ATP1B4: variants seen among roughly 807,000 people sequenced by gnomAD.
The protein encoded by ATP1B4 is protein ATP1B4.
In ATP1B4, 32 loss-of-function variants were observed where a neutral mutation model predicts 29.6. The ratio of observed to expected loss-of-function variants is 1.08; its 90% CI spans 0.82 to 1.45. ATP1B4 has a LOEUF of 1.45. ATP1B4 is among the 40% of genes most tolerant of loss of function. ATP1B4 has a pLI of 0.00. For synonymous variants in ATP1B4, 127 were observed against 102.1 expected, an observed-to-expected ratio of 1.24 and a Z score of -1.47; for missense variants, 323 against 276.2, an observed-to-expected ratio of 1.17 and a Z score of -1.20.
chrX:120,375,801 T>G (rs1474324221), intron 5 of ATP1B4, among the ~76,000 whole-genome samples: 1 of 109,307 alleles, frequency 9.1e-6, no homozygotes, highest in Admixed American at 9.8e-5. Flanking sequence ...CTTGATGGCC[T>G]TTGTCAAGAA....
At chrX:120,364,018 A>G (rs1322884381) in intron 1 of ATP1B4, among the ~76,000 whole-genome samples, 2 of 111,326 alleles carry the variant, frequency 1.8e-5, no homozygotes, top group African/African-American at 6.5e-5. Context: ...AGTAAAGCTC[A>G]GGAACCTCTC....
intron 4 of ATP1B4, among the ~76,000 whole-genome samples, chrX:120,373,355 C>A (rs1206311263): frequency 8.9e-6 from 1 of 112,324 alleles, no homozygotes; most frequent in Non-Finnish European, 1.9e-5. Flanking sequence ...AAAGGCATAG[C>A]CATATTTGGA....
At chrX:120,375,705 TAACCAGATA>T in intron 5 of ATP1B4, 137 bp downstream of exon 5, 1 of 487,874 alleles carries the variant, frequency 2.0e-6, no homozygotes, top group East Asian at 3.8e-5. Context: ...TAAATACAAA[TAACCAGATA>T]AACCTATCAA....
At position 120,375,774 on chromosome X, in the gene ATP1B4, C is replaced by T. The variant is rs756598299; in HGVS notation, c.759+206C>T. ...ACTTCCTATGGCCATTCTTCTCCCT[C>T]ACCCCCAAACCTGTCACTTGATGGC... is the stretch of plus-strand genomic sequence containing the variant. On this transcript the variant is annotated intron_variant, in intron 5 of 7. Coordinates refer to ENST00000218008, the MANE Select transcript of ATP1B4 (RefSeq NM_001142447.3). 9.2e-5 allele frequency among the ~76,000 whole-genome samples: 10 copies of T among 108,776 alleles called. No homozygotes were observed. In the South Asian group the frequency reaches 3.9e-3, roughly 42 times the overall value. The allele number at this position is 108,776 out of a possible 115,157, so 94.5% of individuals were successfully genotyped here. A position where few individuals can be genotyped will look rare whatever the true frequency, so the allele number is the denominator to read the frequency against.
chrX:120,368,357 G>T (rs1249978031), intron 2 of ATP1B4, among the ~76,000 whole-genome samples: 2 of 111,822 alleles, frequency 1.8e-5, no homozygotes, highest in Non-Finnish European at 3.8e-5. Flanking sequence ...AGAACAAGGT[G>T]CCCGCTTGTG....
At chrX:120,370,626 G>A in intron 2 of ATP1B4, 89 bp from the exon 3 acceptor site, 11 of 1,074,226 alleles carry the variant, frequency 1.0e-5, no homozygotes, top group Admixed American at 2.7e-5. Flanking sequence ...GCTATTTCGT[G>A]GTTGGGTTTG....
At chrX:120,374,080 C>A (rs1056036501) in intron 4 of ATP1B4, among the ~76,000 whole-genome samples, 6 of 111,319 alleles carry the variant, frequency 5.4e-5, no homozygotes, top group African/African-American at 2.0e-4. Flanking sequence ...TTTATCAAGA[C>A]AGGGGTATTG....
At chrX:120,378,540 C>A in intron 6 of ATP1B4, 138 bp from the exon 7 acceptor site, 1 of 548,335 alleles carries the variant, frequency 1.8e-6, no homozygotes, top group Non-Finnish European at 3.2e-6. Flanking sequence ...GAGCTCTGCT[C>A]CATTCTGCTT....
intron 4 of ATP1B4, among the ~76,000 whole-genome samples, chrX:120,374,102 G>C (rs2058327941): frequency 9.0e-6 from 1 of 111,361 alleles, no homozygotes; most frequent in South Asian, 3.8e-4. Context: ...AATAGAGACA[G>C]AGTAATCCAC....
Position 120,379,543 on chromosome X carries a change from A to C in ATP1B4, c.983A>C (p.Gln328Pro). ...GTGAAGAACCAAGCAGTGCCTGTGC[A>C]GTGCCAACTGAAGGGCAAAGGCGTC... ...DVVKNQAVPV[Q>P]CQLKGKGVIN... The change falls in exon 8 of 8, where the codon CAG becomes CCG. Residue 328 changes from glutamine to proline, a missense_variant. Physicochemically the swap from Gln to Pro is moderately conservative, Grantham distance 76. Transcript: ENST00000218008. 1 of 1,211,433 alleles carries C rather than the reference A, an allele frequency of 8.3e-7. No homozygotes were observed.
At position 120,379,091 on chromosome X, in the gene ATP1B4, T is replaced by G. The variant is rs766166599; in HGVS notation, c.912+318T>G. Among the ~76,000 whole-genome samples, 339 of 111,684 alleles carry G rather than the reference T, an allele frequency of 3.0e-3. 1 individual carries two copies. The highest frequency in any genetic ancestry group is 0.011 in the African/African-American group (329 of 30,728). On this transcript the variant is annotated intron_variant, in intron 7 of 7. Transcript: ENST00000218008. ...AGGAGCAGATAAATTACTACCAATG[T>G]GCTTAAACATGCCCTAATAATCACG...
At chrX:120,374,579 A>G (rs1486262561) in intron 4 of ATP1B4, among the ~76,000 whole-genome samples, 2 of 55,669 alleles carry the variant, frequency 3.6e-5, no homozygotes, top group East Asian at 7.9e-4. Context: ...ATACCCTTAT[A>G]TATAATATAT....
In ATP1B4 at chrX:120,375,534, C is replaced by A. The variant is rs1434601059; in HGVS notation, c.725C>A (p.Thr242Asn). Reference protein sequence around the residue: ...GLEDPTFGYSTGQPCILLKMN... With the variant: ...GLEDPTFGYSNGQPCILLKMN... ...GAGGACCCAACTTTTGGATACTCTA[C>A]TGGACAGCCCTGCATCCTTCTAAAG... Residue 242 changes from threonine to asparagine, a missense_variant, in exon 5 of 8, where the codon ACT (threonine) becomes AAT (asparagine). By Grantham distance (65) the Thr-to-Asn change is moderately conservative. Coordinates refer to ENST00000218008, the MANE Select transcript of ATP1B4 (RefSeq NM_001142447.3). 1 of 1,207,460 alleles carries A rather than the reference C, an allele frequency of 8.3e-7. No homozygotes were observed. Among genetic ancestry groups the A allele is most frequent in the African/African-American group, 1.8e-5 (1 of 56,797 alleles).
intron 4 of ATP1B4, among the ~76,000 whole-genome samples, chrX:120,374,042 A>G (rs1736750421): frequency 9.0e-6 from 1 of 111,272 alleles, no homozygotes; most frequent in Non-Finnish European, 1.9e-5. Context: ...CAGCGGGTTC[A>G]CCTTGCCCAC....
Position 120,371,215 on chromosome X carries a change from G to C in ATP1B4, c.562+5G>C. The C allele has an allele frequency of 8.4e-7, 1 of 1,185,620 alleles. No homozygotes were observed. The highest frequency in any genetic ancestry group is 1.1e-6 in the Non-Finnish European group (1 of 871,809). On this transcript the variant is annotated splice_donor_5th_base_variant and intron_variant, in intron 4 of 7. Coordinates refer to ENST00000218008, the MANE Select transcript of ATP1B4 (RefSeq NM_001142447.3). ...GCCTAAATGGCTTTCTCCAGGGTAA[G>C]TAAGTTCGTCTGAATAGTGGAAAGC...
chrX:120,376,888 G>C (rs972018368), intron 6 of ATP1B4, among the ~76,000 whole-genome samples: 4 of 112,374 alleles, frequency 3.6e-5, no homozygotes, highest in Admixed American at 2.8e-4. Flanking sequence ...AGTGGTACTG[G>C]GTGTTGCAAT....
At chrX:120,376,548 T>C in intron 6 of ATP1B4, 112 bp downstream of exon 6, 1 of 625,278 alleles carries the variant, frequency 1.6e-6, no homozygotes, top group Non-Finnish European at 2.6e-6. Context: ...AAGGTTAATC[T>C]TTTCATAACT....
intron 6 of ATP1B4, among the ~76,000 whole-genome samples, chrX:120,378,028 T>A (rs901762573): frequency 1.0e-4 from 11 of 106,063 alleles, no homozygotes; most frequent in African/African-American, 3.8e-4. Context: ...AGTGTAGATC[T>A]GTTTACTTTA....
intron 4 of ATP1B4, 97 bp from the exon 5 acceptor site, chrX:120,375,275 T>G (rs1158492011): frequency 9.0e-6 from 7 of 781,957 alleles, no homozygotes; most frequent in Non-Finnish European, 1.3e-5. Flanking sequence ...ACAAACAAGC[T>G]GGAGAAAGGA....
Sources: gnomAD v4.1 joint callset for allele counts (sites outside exome capture counted in the v4.1 genomes callset) on GRCh38, gnomAD v4.1.1 for gene constraint, MANE v1.5 for transcripts, NCBI Gene and HGNC (gene_info 2026-07-23, HGNC 2026-07-21) for gene names.